Variants in RBM6 observed in about 807,000 individuals in gnomAD.
RBM6 encodes the protein RNA-binding protein 6.
A neutral mutation model predicts 140.4 loss-of-function variants in RBM6; 23 were observed. The observed-to-expected ratio is 0.16, with a 90% confidence interval of 0.12 to 0.23. The LOEUF is 0.23. RBM6 is among the 10% of genes least tolerant of loss of function. The pLI, the probability that RBM6 is intolerant of heterozygous loss-of-function variation, is 1.00. For missense variants in RBM6, 1,139 were observed against 1,386.7 expected, an observed-to-expected ratio of 0.82 and a Z score of 2.84; for synonymous variants, 439 against 475.6, an observed-to-expected ratio of 0.92 and a Z score of 1.00.
intron 1 of RBM6, 31 bp from the exon 2 acceptor site, chr3:49,962,545 A>G: frequency 9.4e-7 from 1 of 1,058,690 alleles, no homozygotes; most frequent in Non-Finnish European, 1.4e-6. Context: ...CACATTCTAA[A>G]GTACTAATTT....
intron 5 of RBM6, among the ~76,000 whole-genome samples, chr3:49,997,522 TTCTC>T (rs1559565783): frequency 6.6e-6 from 1 of 152,168 alleles, no homozygotes; most frequent in East Asian, 1.9e-4. Flanking sequence ...TTAGTATTAG[TTCTC>T]TATGTTTTTC....
In RBM6 at chr3:50,049,584, A is replaced by G. The variant is rs1385353632; in HGVS notation, c.1632+1265A>G. On this transcript the variant is annotated intron_variant, in intron 7 of 20. Transcript: ENST00000266022. ...AATTTAGTAAAGACTTTAGCTTGAC[A>G]TTTGTTAGTCTCGGTAGAATTGACA... Among the ~76,000 whole-genome samples the G allele has an allele frequency of 4.6e-5, 7 of 152,136 alleles. No homozygotes were observed. In the East Asian group the frequency reaches 1.2e-3, roughly 25 times the overall value.
At chr3:49,965,091 G>A (rs2084445747) in intron 2 of RBM6, among the ~76,000 whole-genome samples, 1 of 152,118 alleles carries the variant, frequency 6.6e-6, no homozygotes, top group Non-Finnish European at 1.5e-5. Context: ...TATATTAGTA[G>A]AATGGTTTCT....
chr3:50,025,994 C>T (rs1236276369), intron 6 of RBM6, among the ~76,000 whole-genome samples: 1 of 151,914 alleles, frequency 6.6e-6, no homozygotes, highest in Non-Finnish European at 1.5e-5. Flanking sequence ...CTCAGGAGGC[C>T]GAGGCAGAAC....
At position 49,962,634 on chromosome 3, in the gene RBM6, A is replaced by T. The variant is rs777756883; in HGVS notation, c.-8A>T. ...ATTTACTTGTTGGGGCCCTCTTGAT[A>T]AAAAGAGATGTGGGGGGATTCTCGA... On this transcript the variant is annotated 5_prime_UTR_variant, in exon 2 of 21. Coordinates refer to ENST00000266022, the MANE Select transcript of RBM6 (RefSeq NM_005777.3). 6.3e-7 allele frequency: 1 copy of T among 1,590,742 alleles called. No individual in the cohort carries two copies. Among genetic ancestry groups the T allele is most frequent in the South Asian group, 1.2e-5 (1 of 85,590 alleles).
intron 6 of RBM6, among the ~76,000 whole-genome samples, chr3:50,007,283 G>A (rs931234260): frequency 2.7e-5 from 4 of 148,584 alleles, no homozygotes; most frequent in South Asian, 2.2e-4. Flanking sequence ...TGCAACCTCC[G>A]TTTTTGGGGC....
chr3:50,002,884 AG>A (rs1211643930), intron 6 of RBM6, among the ~76,000 whole-genome samples: 1 of 152,072 alleles, frequency 6.6e-6, no homozygotes, highest in Non-Finnish European at 1.5e-5. Flanking sequence ...TGGGAGGCTG[AG>A]GCGAGCGGAT....
At chr3:50,060,749 G>A (rs1216921606) in intron 11 of RBM6, 5 of 242,812 alleles carry the variant, frequency 2.1e-5, no homozygotes, top group African/African-American at 4.0e-5. Flanking sequence ...GCAAGACTCC[G>A]TCTCAAAAAA....
At chr3:49,985,791 A>G (rs1043056130) in intron 5 of RBM6, among the ~76,000 whole-genome samples, 1 of 150,408 alleles carries the variant, frequency 6.6e-6, no homozygotes, top group Non-Finnish European at 1.5e-5. Flanking sequence ...TATTTTTAGC[A>G]GAGACGGGGT....
intron 6 of RBM6, among the ~76,000 whole-genome samples, chr3:50,038,942 C>A (rs1416529344): frequency 6.6e-6 from 1 of 152,190 alleles, no homozygotes; most frequent in African/African-American, 2.4e-5. Context: ...TCTCTTTTAT[C>A]TGGGACTAAA....
chr3:50,036,894 G>A (rs2088567920), intron 6 of RBM6, among the ~76,000 whole-genome samples: 1 of 152,002 alleles, frequency 6.6e-6, no homozygotes, highest in African/African-American at 2.4e-5. Context: ...TGATTCTCCT[G>A]CCTCAGCCTC....
At chr3:49,947,810 C>G (rs1225011716) in intron 1 of RBM6, among the ~76,000 whole-genome samples, 1 of 152,124 alleles carries the variant, frequency 6.6e-6, no homozygotes, top group African/African-American at 2.4e-5. Flanking sequence ...TTCGGAGTAC[C>G]ATTTTCCATT....
chr3:49,985,886 G>A (rs1441596538), intron 5 of RBM6, among the ~76,000 whole-genome samples: 3 of 152,118 alleles, frequency 2.0e-5, no homozygotes, highest in African/African-American at 7.2e-5. Context: ...GTTTACAGGC[G>A]TGAGCCACCA....
chr3:50,075,236 C>CTAG lies in RBM6; in HGVS notation c.3153_3155dup (p.Ser1053dup), dbSNP rs1015222935. 6 of 1,613,902 alleles carry CTAG rather than the reference C, an allele frequency of 3.7e-6. No individual in the cohort carries two copies. The African/African-American group carries it at 8.0e-5, about 22-fold the overall frequency. On this transcript the variant is annotated inframe_insertion, in exon 20 of 21. Transcript: ENST00000266022. Reference sequence around the variant, plus strand: ...CTTGTTGATAAAGAAGATATCGACACTAGCAGCAAAGGAGGCTGTGTCCAA... The same window carrying CTAG: ...CTTGTTGATAAAGAAGATATCGACACTAGTAGCAGCAAAGGAGGCTGTGTCCAA...
At position 50,025,587 on chromosome 3, in the gene RBM6, A is replaced by ATTTTTTTTTT. The variant is rs761261742; in HGVS notation, c.1558-22648_1558-22639dup. Among the ~76,000 whole-genome samples, 39 of 124,428 alleles carry ATTTTTTTTTT rather than the reference A, an allele frequency of 3.1e-4. 4 individuals are homozygous for ATTTTTTTTTT. Among genetic ancestry groups the ATTTTTTTTTT allele is most frequent in the South Asian group, 5.4e-4 (2 of 3,718 alleles). 81.6% of individuals were successfully genotyped at this position (124,428 alleles called of 152,430 possible). A position where few individuals can be genotyped will look rare whatever the true frequency, so the allele number is the denominator to read the frequency against. ...AACCTTTTATATATATACAACTTTA[A>ATTTTTTTTTT]TTTTTTTTTTTTTTTTTTTAAGAGA... On this transcript the variant is annotated intron_variant, in intron 6 of 20. Transcript: ENST00000266022.
In RBM6 at chr3:50,073,835, C is replaced by T. The variant is rs892405878; in HGVS notation, c.3117-1366C>T. On this transcript the variant is annotated intron_variant, in intron 19 of 20. Transcript: ENST00000266022. ...AAGTTCAAGGTTTTTTACAGTCTGACCCCATGCAGCCTTTTTTTTTTTTCC... is the reference window on the plus strand; with the variant it reads ...AAGTTCAAGGTTTTTTACAGTCTGATCCCATGCAGCCTTTTTTTTTTTTCC... Among the ~76,000 whole-genome samples the T allele has an allele frequency of 9.0e-5, 13 of 144,330 alleles. No individual in the cohort carries two copies. The Admixed American group carries it at 9.6e-4, about 11-fold the overall frequency. The allele number at this position is 144,330 out of a possible 152,430, so 94.7% of individuals were successfully genotyped here.
chr3:50,059,835 CATG>C, intron 11 of RBM6, 89 bp downstream of exon 11: 3 of 1,036,192 alleles, frequency 2.9e-6, no homozygotes, highest in Middle Eastern at 4.7e-4. Context: ...AACAGTAAAG[CATG>C]ATGTTTTCCT....
At chr3:49,976,555 A>T (rs1252409557) in intron 5 of RBM6, among the ~76,000 whole-genome samples, 1 of 152,152 alleles carries the variant, frequency 6.6e-6, no homozygotes. Flanking sequence ...TGCCTTATAC[A>T]TGCTTTCTTT....
intron 18 of RBM6, among the ~76,000 whole-genome samples, chr3:50,070,008 C>T (rs2090249028): frequency 1.3e-5 from 2 of 152,084 alleles, no homozygotes; most frequent in African/African-American, 4.8e-5. Context: ...TCTAGAAGAA[C>T]GTGTAAAGGA....
Sources: allele counts gnomAD v4.1 joint callset (sites outside exome capture counted in the v4.1 genomes callset), GRCh38; gene constraint gnomAD v4.1.1; transcripts MANE v1.5; gene names NCBI Gene and HGNC (gene_info 2026-07-23, HGNC 2026-07-21).